Variants in GRIP1 observed in about 807,000 individuals in gnomAD.
GRIP1 encodes glutamate receptor-interacting protein 1.
GRIP1 carries 45 observed loss-of-function variants against 129.9 expected under a neutral mutation model. The ratio of observed to expected loss-of-function variants is 0.35; its 90% CI spans 0.27 to 0.44. The LOEUF (loss-of-function observed/expected upper bound fraction) is 0.44, where lower values mean the gene tolerates loss of function less well. GRIP1 is among the 20% of genes least tolerant of loss of function. The pLI, the probability that GRIP1 is intolerant of heterozygous loss-of-function variation, is 1.00. For missense variants in GRIP1, 1,196 were observed against 1,396.8 expected, an observed-to-expected ratio of 0.86 and a Z score of 2.29; for synonymous variants, 530 against 520.8, an observed-to-expected ratio of 1.02 and a Z score of -0.24.
intron 23 of GRIP1, among the ~76,000 whole-genome samples, chr12:66,360,725 CCAAG>C (rs2054716864): frequency 6.6e-6 from 1 of 152,194 alleles, no homozygotes; most frequent in African/African-American, 2.4e-5. Context: ...ATCCTCAAGG[CCAAG>C]ATCAGAAACC....
intron 1 of GRIP1, among the ~76,000 whole-genome samples, chr12:66,744,178 T>C (rs920492524): frequency 6.6e-6 from 1 of 152,124 alleles, no homozygotes; most frequent in Non-Finnish European, 1.5e-5. Flanking sequence ...CATAAATACA[T>C]GAAAATGAAA....
intron 1 of GRIP1, among the ~76,000 whole-genome samples, chr12:66,648,847 C>G (rs1172952063): frequency 6.6e-6 from 1 of 152,176 alleles, no homozygotes; most frequent in Non-Finnish European, 1.5e-5. Context: ...GCATGAATAA[C>G]ATTGTAAAGG....
intron 19 of GRIP1, among the ~76,000 whole-genome samples, chr12:66,380,221 T>A (rs898209107): frequency 6.6e-6 from 1 of 152,142 alleles, no homozygotes; most frequent in African/African-American, 2.4e-5. Flanking sequence ...ATTTCAAGTA[T>A]TTGAAAGTGC....
intron 7 of GRIP1, among the ~76,000 whole-genome samples, chr12:66,484,428 A>G (rs1480299925): frequency 6.6e-6 from 1 of 152,214 alleles, no homozygotes; most frequent in East Asian, 1.9e-4. Context: ...TGTGAAATCA[A>G]CCTAAGTGTC....
intron 1 of GRIP1, among the ~76,000 whole-genome samples, chr12:67,010,270 T>G (rs73133697): frequency 0.29 from 43,529 of 152,078 alleles, 7,360 homozygotes; most frequent in Non-Finnish European, 0.37. Flanking sequence ...TGTTTCTGTG[T>G]TCAAACAATT....
Position 66,539,113 on chromosome 12 carries a change from A to G in GRIP1, c.383T>C (p.Val128Ala). The change falls in exon 4 of 25, where the codon GTG becomes GCG. Residue 128 changes from valine (V) to alanine (A), a missense_variant. By Grantham distance (64) the Val-to-Ala change is moderately conservative. Coordinates refer to ENST00000359742, the MANE Select transcript of GRIP1 (RefSeq NM_001366722.1). Reference sequence around the variant, plus strand: ...AAGCTCGTACTCTACTTCAAGAACCACTCTTTCTCCCACATTCTTCAGCAA... The same window carrying G: ...AAGCTCGTACTCTACTTCAAGAACCGCTCTTTCTCCCACATTCTTCAGCAA... ...ISLLKNVGER[V>A]VLEVEYELPP... 1 of 1,613,282 alleles carries G rather than the reference A, an allele frequency of 6.2e-7. No individual in the cohort carries two copies. The highest frequency in any genetic ancestry group is 8.5e-7 in the Non-Finnish European group (1 of 1,179,834).
At chr12:66,473,640 C>G (rs555770607) in intron 7 of GRIP1, among the ~76,000 whole-genome samples, 2 of 152,348 alleles carry the variant, frequency 1.3e-5, no homozygotes, top group South Asian at 4.1e-4. Context: ...AAGGAACAGG[C>G]AGCAATCTTT....
At chr12:66,663,399 T>C (rs2033623352) in intron 1 of GRIP1, among the ~76,000 whole-genome samples, 1 of 152,182 alleles carries the variant, frequency 6.6e-6, no homozygotes, top group Non-Finnish European at 1.5e-5. Flanking sequence ...GTAGAGTGTA[T>C]GAAGGTCATC....
chr12:66,449,951 T>TTGGA (rs915238439), intron 11 of GRIP1, among the ~76,000 whole-genome samples: 11 of 152,132 alleles, frequency 7.2e-5, no homozygotes, highest in Non-Finnish European at 5.9e-5. Context: ...GACTACTTAA[T>TTGGA]TGGAGTTAAA....
At chr12:66,525,088 T>G (rs181451185) in intron 5 of GRIP1, among the ~76,000 whole-genome samples, 224 of 152,284 alleles carry the variant, frequency 1.5e-3, no homozygotes, top group African/African-American at 4.4e-3. Flanking sequence ...CACAGCCGAA[T>G]TCTACCAAAG....
intron 1 of GRIP1, among the ~76,000 whole-genome samples, chr12:66,908,498 T>C (rs145244758): frequency 5.3e-5 from 8 of 152,336 alleles, no homozygotes; most frequent in African/African-American, 1.9e-4. Flanking sequence ...TGACCTTTGT[T>C]AGAACGGTTT....
intron 1 of GRIP1, among the ~76,000 whole-genome samples, chr12:66,923,734 G>A (rs944217894): frequency 6.6e-6 from 1 of 152,114 alleles, no homozygotes; most frequent in African/African-American, 2.4e-5. Flanking sequence ...GAGAAATCTT[G>A]GGAAGATCCC....
intron 9 of GRIP1, among the ~76,000 whole-genome samples, chr12:66,458,680 G>C (rs11176196): frequency 0.31 from 47,249 of 152,090 alleles, 7,632 homozygotes; most frequent in Middle Eastern, 0.51. Context: ...CCACTGCGCC[G>C]GGCCTGAATA....
At chr12:66,548,826 A>C (rs2062031352) in intron 2 of GRIP1, among the ~76,000 whole-genome samples, 1 of 152,140 alleles carries the variant, frequency 6.6e-6, no homozygotes, top group Non-Finnish European at 1.5e-5. Flanking sequence ...ATATAATGTC[A>C]TATAAGATAA....
At chr12:67,039,173 A>G (rs981752159) in intron 1 of GRIP1, among the ~76,000 whole-genome samples, 1 of 152,192 alleles carries the variant, frequency 6.6e-6, no homozygotes, top group Admixed American at 6.5e-5. Context: ...GTCAGGTGGA[A>G]TATTATATTT....
intron 1 of GRIP1, among the ~76,000 whole-genome samples, chr12:66,719,824 C>T (rs572341273): frequency 1.2e-4 from 19 of 152,198 alleles, no homozygotes; most frequent in Admixed American, 3.3e-4. Context: ...AATTTATAGA[C>T]GGACAAAGGT....
At chr12:66,985,865 ATGTGCCTC>A (rs1189311266) in intron 1 of GRIP1, among the ~76,000 whole-genome samples, 1 of 152,192 alleles carries the variant, frequency 6.6e-6, no homozygotes, top group African/African-American at 2.4e-5. Flanking sequence ...ACTGTAATTC[ATGTGCCTC>A]TGGTCAACAG....
chr12:66,514,859 A>G (rs2060798650), intron 7 of GRIP1, among the ~76,000 whole-genome samples: 1 of 152,146 alleles, frequency 6.6e-6, no homozygotes, highest in South Asian at 2.1e-4. Flanking sequence ...ACTAGCTGGT[A>G]AAGTCAGGTC....
chr12:67,033,769 T>C lies in GRIP1; in HGVS notation c.58+35281A>G, dbSNP rs368809423. 1.1e-3 allele frequency among the ~76,000 whole-genome samples: 175 copies of C among 152,326 alleles called. 1 individual carries two copies. The highest frequency in any genetic ancestry group is 7.9e-3 in the South Asian group (38 of 4,830). On this transcript the variant is annotated intron_variant, in intron 1 of 1. Transcript: ENST00000643019. ...TGAACCATTGGTTGTCTCATATCTA[T>C]AACACAAGCAATGATACCTGCTTTG...
Sources: gnomAD v4.1 joint callset for allele counts (sites outside exome capture counted in the v4.1 genomes callset) on GRCh38, gnomAD v4.1.1 for gene constraint, MANE v1.5 for transcripts, NCBI Gene and HGNC (gene_info 2026-07-23, HGNC 2026-07-21) for gene names.